PPARGC1A: variants seen among roughly 807,000 people sequenced by gnomAD.
The protein encoded by PPARGC1A is PPARG coactivator 1 alpha, also known as peroxisome proliferator-activated receptor gamma coactivator 1-alpha.
PPARGC1A carries 25 observed loss-of-function variants against 88.7 expected under a neutral mutation model. The ratio of observed to expected loss-of-function variants is 0.28; its 90% CI spans 0.21 to 0.39. PPARGC1A has a LOEUF of 0.39. Among genes scored for constraint, PPARGC1A ranks in the 10% least tolerant of loss-of-function variants. The pLI, the probability that PPARGC1A is intolerant of heterozygous loss-of-function variation, is 1.00. For synonymous variants in PPARGC1A, 363 were observed against 355.6 expected, an observed-to-expected ratio of 1.02 and a Z score of -0.24; for missense variants, 880 against 968.7, an observed-to-expected ratio of 0.91 and a Z score of 1.22.
At chr4:23,915,254 T>C in the PPARGC1A span, among the ~76,000 whole-genome samples, 54 of 152,264 alleles carry the variant, frequency 3.5e-4, no homozygotes, top group African/African-American at 1.3e-3. Flanking sequence ...AGAAACACCA[T>C]ATCAAATCCA....
chr4:24,378,939 T>G, the PPARGC1A span, among the ~76,000 whole-genome samples: 1 of 152,222 alleles, frequency 6.6e-6, no homozygotes, highest in African/African-American at 2.4e-5. Flanking sequence ...TAATGGAGTT[T>G]TATTATACCA....
the PPARGC1A span, among the ~76,000 whole-genome samples, chr4:24,240,823 G>T: frequency 0.076 from 11,621 of 152,086 alleles, 604 homozygotes; most frequent in African/African-American, 0.15. Context: ...CAGAGCCAGG[G>T]TCTAAGTTGG....
the PPARGC1A span, among the ~76,000 whole-genome samples, chr4:24,162,870 A>T: frequency 6.6e-6 from 1 of 152,098 alleles, no homozygotes; most frequent in South Asian, 2.1e-4. Context: ...CTGGGATTAC[A>T]GGTGTGAGTC....
the PPARGC1A span, among the ~76,000 whole-genome samples, chr4:24,472,191 G>A: frequency 6.6e-6 from 1 of 152,168 alleles, no homozygotes; most frequent in African/African-American, 2.4e-5. This position sits in a 1 kb window ranked among gnomAD's most constrained non-coding sequence, Gnocchi z 4.5. Context: ...AGACTGGAAA[G>A]CTAGCGATGG....
At position 23,841,509 on chromosome 4, in the gene PPARGC1A, G is replaced by A. The variant is rs369719541; in HGVS notation, c.235-9758C>T. 4.5e-4 allele frequency among the ~76,000 whole-genome samples: 68 copies of A among 151,568 alleles called. No individual in the cohort carries two copies. The South Asian group carries it at 8.3e-3, about 19-fold the overall frequency. On this transcript the variant is annotated intron_variant, in intron 2 of 12. Coordinates refer to ENST00000264867, the MANE Select transcript of PPARGC1A (RefSeq NM_013261.5). ...TTTTTTTTTTAGAAAACACACTCAC[G>A]TGTGTTAACTTTCTTATCATAAATA...
At chr4:23,977,082 A>C in the PPARGC1A span, among the ~76,000 whole-genome samples, 11 of 152,056 alleles carry the variant, frequency 7.2e-5, no homozygotes, top group South Asian at 2.1e-4. Flanking sequence ...AAGAAGAAGA[A>C]GACTTGCAGA....
At chr4:24,220,838 A>C in the PPARGC1A span, among the ~76,000 whole-genome samples, 1 of 152,220 alleles carries the variant, frequency 6.6e-6, no homozygotes, top group Non-Finnish European at 1.5e-5. Flanking sequence ...ATACCCATTT[A>C]ACAAACCTTC....
At chr4:23,923,964 T>C in the PPARGC1A span, among the ~76,000 whole-genome samples, 1 of 152,198 alleles carries the variant, frequency 6.6e-6, no homozygotes, top group Non-Finnish European at 1.5e-5. Flanking sequence ...CTGGGCTGCA[T>C]GCTCACTCTT....
chr4:24,151,070 T>C, the PPARGC1A span, among the ~76,000 whole-genome samples: 1 of 152,240 alleles, frequency 6.6e-6, no homozygotes, highest in Non-Finnish European at 1.5e-5. Flanking sequence ...CCACCTGTTG[T>C]GAAAACATCG....
chr4:24,161,898 A>G, the PPARGC1A span, among the ~76,000 whole-genome samples: 2 of 151,738 alleles, frequency 1.3e-5, no homozygotes, highest in East Asian at 1.9e-4. Flanking sequence ...ACAATTCACA[A>G]CTGCAAAAAT....
the PPARGC1A span, among the ~76,000 whole-genome samples, chr4:24,299,291 T>C: frequency 6.6e-6 from 1 of 152,186 alleles, no homozygotes; most frequent in Non-Finnish European, 1.5e-5. Context: ...AATAGGACTT[T>C]TGCTATTAAA....
the PPARGC1A span, among the ~76,000 whole-genome samples, chr4:24,249,561 A>G: frequency 6.6e-6 from 1 of 152,200 alleles, no homozygotes; most frequent in Non-Finnish European, 1.5e-5. Context: ...CTCTGTTTAC[A>G]GTCAGAGAAG....
the PPARGC1A span, among the ~76,000 whole-genome samples, chr4:24,337,693 GAAA>G: frequency 0.027 from 3,429 of 127,346 alleles, 86 homozygotes; most frequent in East Asian, 0.13. Flanking sequence ...TTTTACAAAT[GAAA>G]AAAAAAAAAA....
At chr4:24,250,888 G>A in the PPARGC1A span, among the ~76,000 whole-genome samples, 1 of 152,128 alleles carries the variant, frequency 6.6e-6, no homozygotes, top group South Asian at 2.1e-4. Context: ...CAATTATTTG[G>A]AGGCAGTAGT....
At chr4:24,089,780 G>C in the PPARGC1A span, among the ~76,000 whole-genome samples, 1 of 152,052 alleles carries the variant, frequency 6.6e-6, no homozygotes, top group Non-Finnish European at 1.5e-5. Flanking sequence ...AAAGTGCTGG[G>C]ATTACAGGCG....
At chr4:24,096,477 C>T in the PPARGC1A span, among the ~76,000 whole-genome samples, 1 of 152,180 alleles carries the variant, frequency 6.6e-6, no homozygotes, top group African/African-American at 2.4e-5. Context: ...GTTGTCAACA[C>T]CATCCACTTT....
intron 5 of PPARGC1A, among the ~76,000 whole-genome samples, chr4:23,826,231 C>A (rs1041862693): frequency 1.3e-5 from 2 of 152,138 alleles, no homozygotes; most frequent in African/African-American, 4.8e-5. Context: ...AAACCACATA[C>A]AGAATCCGAT....
In PPARGC1A at chr4:23,792,424, G is replaced by C. The variant is rs1343499945; in HGVS notation, c.*3398C>G. 1 of 152,432 alleles carries C rather than the reference G, an allele frequency of 6.6e-6. No individual in the cohort carries two copies. The highest frequency in any genetic ancestry group is 2.4e-5 in the African/African-American group (1 of 41,388). The allele number at this position is 152,432 out of a possible 1,614,324, so 9.4% of individuals were successfully genotyped here. On this transcript the variant is annotated 3_prime_UTR_variant, in exon 13 of 13. Transcript: ENST00000264867. The stretch of plus-strand genomic sequence containing the variant: ...AAGGACACATAATCATTACCTACTG[G>C]AAGCTCACATCTAAAGGCATGAAAA...
At chr4:24,470,320 A>T in the PPARGC1A span, among the ~76,000 whole-genome samples, 4 of 120,738 alleles carry the variant, frequency 3.3e-5, no homozygotes, top group African/African-American at 8.4e-5. This position sits in a 1 kb window ranked among gnomAD's most constrained non-coding sequence, Gnocchi z 5.8. Context: ...ACACACACAC[A>T]CACACTCTCT....
Sources: gnomAD v4.1 joint callset for allele counts (sites outside exome capture counted in the v4.1 genomes callset) on GRCh38, gnomAD v4.1.1 for gene constraint, Gnocchi (gnomAD v3.1) non-coding constraint, MANE v1.5 for transcripts, NCBI Gene and HGNC (gene_info 2026-07-23, HGNC 2026-07-21) for gene names.